TMEM40: variants seen among roughly 807,000 people sequenced by gnomAD.
TMEM40 encodes the protein transmembrane protein 40.
In TMEM40, 34 loss-of-function variants were observed where a neutral mutation model predicts 40.8. That is an observed-to-expected ratio of 0.83 (90% CI 0.63 to 1.11). TMEM40 has a LOEUF of 1.11. TMEM40 is among the 50% of genes least tolerant of loss of function. TMEM40 has a pLI of 0.00. For synonymous variants in TMEM40, 106 were observed against 107.0 expected, an observed-to-expected ratio of 0.99 and a Z score of 0.06; for missense variants, 296 against 280.2, an observed-to-expected ratio of 1.06 and a Z score of -0.40.
chr3:12,734,891 C>T (rs1195900234), intron 11 of TMEM40, 98 bp from the exon 12 acceptor site: 13 of 1,412,796 alleles, frequency 9.2e-6, no homozygotes, highest in Non-Finnish European at 1.2e-5. Context: ...TCACAGCTGG[C>T]ATGATGTAGT....
intron 1 of TMEM40, among the ~76,000 whole-genome samples, chr3:12,768,116 G>A (rs1005928788): frequency 6.6e-6 from 1 of 152,100 alleles, no homozygotes; most frequent in Non-Finnish European, 1.5e-5. Context: ...TCACGGTCTC[G>A]CTGGCTCAGG....
At chr3:12,742,612 C>A in intron 4 of TMEM40, 105 bp from the exon 5 acceptor site, 1 of 1,366,622 alleles carries the variant, frequency 7.3e-7, no homozygotes, top group African/African-American at 1.4e-5. Flanking sequence ...AGTCCTTGTG[C>A]TGGAGGTGAG....
chr3:12,745,224 TA>T (rs1243185435), intron 3 of TMEM40, among the ~76,000 whole-genome samples: 2 of 120,380 alleles, frequency 1.7e-5, no homozygotes, highest in African/African-American at 3.7e-5. Context: ...CACACCTGGC[TA>T]ATTTTTTTTT....
chr3:12,753,937 CT>C (rs1032228927), intron 1 of TMEM40, among the ~76,000 whole-genome samples: 1 of 152,162 alleles, frequency 6.6e-6, no homozygotes, highest in Non-Finnish European at 1.5e-5. Context: ...TCACAGCACT[CT>C]CCTCTCCCAG....
Position 12,748,766 on chromosome 3 carries a change from C to A in TMEM40, c.100G>T (p.Asp34Tyr). 6.2e-7 allele frequency: 1 copy of A among 1,614,132 alleles called. No homozygotes were observed. The highest frequency in any genetic ancestry group is 2.2e-5 in the East Asian group (1 of 44,884). The stretch of plus-strand genomic sequence containing the variant: ...TGGGAAAAGAGTCCAGCCTTCCCAT[C>A]TTGCTTGTGGAAATCTGTCTCTCCA... Reference protein sequence around the residue: ...DYGETDFHKQDGKAGLFSQEQ... With the variant: ...DYGETDFHKQYGKAGLFSQEQ... Residue 34 changes from aspartate (D) to tyrosine (Y), a missense_variant, in exon 3 of 12, where the codon GAT becomes TAT. By Grantham distance (160) the Asp-to-Tyr change is radical (BLOSUM62 -3). Transcript: ENST00000314124.
chr3:12,759,805 G>A (rs943710815), upstream of TMEM40, among the ~76,000 whole-genome samples: 7 of 152,124 alleles, frequency 4.6e-5, no homozygotes, highest in African/African-American at 1.7e-4. Flanking sequence ...TGTGCAAGTG[G>A]GAAAACACAG....
upstream of TMEM40, chr3:12,759,675 G>A (rs73812901): frequency 5.1e-3 from 776 of 152,654 alleles, 8 homozygotes; most frequent in African/African-American, 0.016. Flanking sequence ...CTCCCAGGAG[G>A]CTGAGGTTGG....
At chr3:12,755,283 C>CTTTCTTTCT (rs56223138) in intron 1 of TMEM40, among the ~76,000 whole-genome samples, 1,086 of 97,156 alleles carry the variant, frequency 0.011, 20 homozygotes, top group East Asian at 0.014. Flanking sequence ...TTCTTTCTTT[C>CTTTCTTTCT]TTCTTTTCTA....
intron 5 of TMEM40, chr3:12,738,887 G>A (rs2061360072): frequency 2.8e-6 from 1 of 362,588 alleles, no homozygotes; most frequent in South Asian, 2.9e-5. Context: ...GCACGCGGTG[G>A]CTCATGCCTG....
rs2061318184 is a variant in TMEM40, at chr3:12,733,871, A to G, written c.*903T>C. Reference sequence around the variant, plus strand: ...CCACATATTTCAAAACATGTTGTACACTACAAATACATGCAATTTTTATTT... The same window carrying G: ...CCACATATTTCAAAACATGTTGTACGCTACAAATACATGCAATTTTTATTT... On this transcript the variant is annotated 3_prime_UTR_variant, in exon 12 of 12. Transcript: ENST00000314124. The G allele has an allele frequency of 6.6e-6, 1 of 151,814 alleles. No homozygotes were observed. Among genetic ancestry groups the G allele is most frequent in the African/African-American group, 2.4e-5 (1 of 41,304 alleles). 9.4% of individuals were successfully genotyped at this position (151,814 alleles called of 1,614,324 possible).
chr3:12,735,651 T>C lies in TMEM40; in HGVS notation c.620-34A>G, dbSNP rs377455838. ...AAGCAAAGAAAAAAGTAAGTTAAGT[T>C]TGTGCCCCAACAAGGGACACCAGGC... is the stretch of plus-strand genomic sequence containing the variant. On this transcript the variant is annotated intron_variant, in intron 10 of 11. Transcript: ENST00000314124. 16 of 1,601,336 alleles carry C rather than the reference T, an allele frequency of 1.0e-5. No individual in the cohort carries two copies. In the African/African-American group the frequency reaches 1.6e-4, roughly 16 times the overall value.
rs1559522311 is a variant in TMEM40 at position 12,734,734 on chromosome 3, CA to C, written c.*39del. On this transcript the variant is annotated 3_prime_UTR_variant, in exon 12 of 12. Transcript: ENST00000314124. ...TGGGCTCAGGGGTCGCAGTGGTGGT[CA>C]CACTGGGGCCTGCCTCTGCTGCCCA... 1.3e-6 allele frequency: 2 copies of C among 1,580,186 alleles called. No individual in the cohort carries two copies.
intron 1 of TMEM40, among the ~76,000 whole-genome samples, chr3:12,753,191 T>TTTTCTTTC (rs1244573677): frequency 3.4e-4 from 48 of 143,086 alleles, no homozygotes; most frequent in African/African-American, 1.2e-3. Context: ...TTTTTGCCTT[T>TTTTCTTTC]TTTCTTTCTT....
At position 12,748,809 on chromosome 3, in the gene TMEM40, G is replaced by A; in HGVS notation, c.74-17C>T. 1 of 1,612,380 alleles carries A rather than the reference G, an allele frequency of 6.2e-7. No homozygotes were observed. The highest frequency in any genetic ancestry group is 8.5e-7 in the Non-Finnish European group (1 of 1,178,828). On this transcript the variant is annotated splice_polypyrimidine_tract_variant and intron_variant, in intron 2 of 11. Coordinates refer to ENST00000314124, the MANE Select transcript of TMEM40 (RefSeq NM_018306.4). ...TCTCTCCATCTACAAGGCACACAGAGGCCAGGGGATGAGCGTTTCCCACCC... is the reference window on the plus strand; with the variant it reads ...TCTCTCCATCTACAAGGCACACAGAAGCCAGGGGATGAGCGTTTCCCACCC...
intron 1 of TMEM40, 54 bp from the exon 2 acceptor site, chr3:12,749,894 A>G: frequency 1.3e-6 from 2 of 1,485,370 alleles, no homozygotes; most frequent in East Asian, 2.3e-5. Context: ...ATATCTTAAT[A>G]TACAAAGAGC....
chr3:12,768,910 G>A (rs1190075110), intron 1 of TMEM40, among the ~76,000 whole-genome samples: 3 of 33,588 alleles, frequency 8.9e-5, no homozygotes, highest in Non-Finnish European at 1.6e-4. Context: ...GGCAGGGCGG[G>A]CCGGGGCCGG....
chr3:12,763,159 CAAAAAAAA>C (rs536186442), upstream of TMEM40, among the ~76,000 whole-genome samples: 2 of 56,220 alleles, frequency 3.6e-5, no homozygotes, highest in Non-Finnish European at 7.9e-5. Context: ...GACTCTGTCT[CAAAAAAAA>C]AAAAAAAAAA....
chr3:12,751,836 G>A (rs1445488556), intron 1 of TMEM40, among the ~76,000 whole-genome samples: 1 of 152,156 alleles, frequency 6.6e-6, no homozygotes, highest in Non-Finnish European at 1.5e-5. Flanking sequence ...GGGAAAGAGA[G>A]CTGCTGGCTG....
At chr3:12,763,034 C>G (rs1456238092), upstream of TMEM40, among the ~76,000 whole-genome samples, 2 of 150,974 alleles carry the variant, frequency 1.3e-5, no homozygotes, top group Admixed American at 1.3e-4. Flanking sequence ...GTGGCGGGCT[C>G]CCGTAGTCCC....
Sources: allele counts gnomAD v4.1 joint callset (sites outside exome capture counted in the v4.1 genomes callset), GRCh38; gene constraint gnomAD v4.1.1; transcripts MANE v1.5; gene names NCBI Gene and HGNC (gene_info 2026-07-23, HGNC 2026-07-21).